The following PTPRF variants were observed in gnomAD, a reference collection of about 807,000 sequenced individuals.
PTPRF encodes the protein receptor-type tyrosine-protein phosphatase F.
In PTPRF, 59 loss-of-function variants were observed where a neutral mutation model predicts 201.8. The observed-to-expected ratio is 0.29, with a 90% CI of 0.24 to 0.36. PTPRF has a LOEUF of 0.36. PTPRF is among the 10% of genes least tolerant of loss of function. The pLI is 1.00. For missense variants in PTPRF, 2,132 were observed against 2,690.5 expected, an observed-to-expected ratio of 0.79 and a Z score of 4.59; for synonymous variants, 1,088 against 1,089.7, an observed-to-expected ratio of 1.00 and a Z score of 0.03.
intron 2 of PTPRF, among the ~76,000 whole-genome samples, chr1:43,541,429 C>T (rs907888088): frequency 2.0e-5 from 3 of 152,130 alleles, no homozygotes; most frequent in Admixed American, 1.3e-4. Context: ...TGTTTTGCAA[C>T]GTGAATCTTC....
chr1:43,522,568 T>C (rs1570801970), upstream of PTPRF, among the ~76,000 whole-genome samples: 3 of 152,082 alleles, frequency 2.0e-5, no homozygotes, highest in African/African-American at 7.2e-5. Context: ...ACAAGAAGTA[T>C]AAAGGAATGC....
intron 8 of PTPRF, 21 bp downstream of exon 8, chr1:43,589,021 A>T (rs1412895717): frequency 6.6e-7 from 1 of 1,522,136 alleles, no homozygotes; most frequent in African/African-American, 1.4e-5. Context: ...CAGGTGCTGT[A>T]ACCAGTGCCC....
intron 12 of PTPRF, 35 bp from the exon 13 acceptor site, chr1:43,598,685 C>G (rs1457405071): frequency 2.5e-6 from 4 of 1,595,942 alleles, no homozygotes; most frequent in Non-Finnish European, 8.6e-7. Flanking sequence ...GTTGATACCT[C>G]CAGGCCTGAC....
chr1:43,531,485 C>G (rs900998044), intron 1 of PTPRF, among the ~76,000 whole-genome samples: 7 of 145,298 alleles, frequency 4.8e-5, no homozygotes, highest in Non-Finnish European at 7.6e-5. Context: ...AGCGCGGACG[C>G]GCTCCGGGGG....
chr1:43,619,577 G>A lies in PTPRF; in HGVS notation c.4932+4G>A, dbSNP rs530421571. On this transcript the variant is annotated splice_donor_region_variant and intron_variant, in intron 28 of 33. Coordinates refer to ENST00000359947, the MANE Select transcript of PTPRF (RefSeq NM_002840.5). ...CGCCATGGAGCTCGAGTTCAAGGTG[G>A]GGCTCGGGTGGGCCTGCTTGGCTCC... 1.6e-5 allele frequency: 25 copies of A among 1,611,434 alleles called. No homozygotes were observed. In the East Asian group the frequency reaches 5.1e-4, roughly 33 times the overall value.
At chr1:43,612,340 G>A (rs533732864) in intron 22 of PTPRF, among the ~76,000 whole-genome samples, 1 of 152,310 alleles carries the variant, frequency 6.6e-6, no homozygotes, top group East Asian at 1.9e-4. Flanking sequence ...CTGGGAAGGA[G>A]GCAATGAGCA....
At chr1:43,555,300 C>T (rs1645286008) in intron 5 of PTPRF, among the ~76,000 whole-genome samples, 1 of 139,874 alleles carries the variant, frequency 7.1e-6, no homozygotes, top group South Asian at 2.4e-4. Context: ...GGCCCATTTT[C>T]TGTGCATACA....
At chr1:43,586,789 G>A (rs1373434346) in intron 7 of PTPRF, among the ~76,000 whole-genome samples, 1 of 152,220 alleles carries the variant, frequency 6.6e-6, no homozygotes, top group Non-Finnish European at 1.5e-5. Context: ...GTTGGGAGAA[G>A]CCATCCCCAG....
chr1:43,557,211 G>A (rs997309410), intron 5 of PTPRF, among the ~76,000 whole-genome samples: 4 of 152,180 alleles, frequency 2.6e-5, no homozygotes, highest in Non-Finnish European at 4.4e-5. Context: ...CTTCAAAAGC[G>A]CCTAAGCCCC....
chr1:43,557,769 G>C (rs188803296), intron 5 of PTPRF, among the ~76,000 whole-genome samples: 1 of 152,166 alleles, frequency 6.6e-6, no homozygotes, highest in Non-Finnish European at 1.5e-5. Context: ...CAAGTACCCA[G>C]ACCCTGTCCA....
chr1:43,574,327 A>G lies in PTPRF; in HGVS notation c.569-4483A>G, dbSNP rs183182948. Among the ~76,000 whole-genome samples the G allele has an allele frequency of 1.2e-4, 18 of 152,230 alleles. No individual in the cohort carries two copies. The East Asian group carries it at 1.5e-3, about 13-fold the overall frequency. On this transcript the variant is annotated intron_variant, in intron 6 of 33. Transcript: ENST00000359947. ...TGGGTTATTTCTATTGATGTTTACCATATTAGATATTAAGACTGAGATTAT... is the reference window on the plus strand; with the variant it reads ...TGGGTTATTTCTATTGATGTTTACCGTATTAGATATTAAGACTGAGATTAT...
chr1:43,622,638 G>A lies in PTPRF; in HGVS notation c.*635G>A, dbSNP rs1427359827. ...AGATCCTGTTTCAGCTAAATGCAGGGAAACTCAATGTTTTTTTAAGTTTTG... is the reference window on the plus strand; with the variant it reads ...AGATCCTGTTTCAGCTAAATGCAGGAAAACTCAATGTTTTTTTAAGTTTTG... On this transcript the variant is annotated 3_prime_UTR_variant, in exon 34 of 34. Coordinates refer to ENST00000359947, the MANE Select transcript of PTPRF (RefSeq NM_002840.5). 25 of 152,634 alleles carry A rather than the reference G, an allele frequency of 1.6e-4. No homozygotes were observed. The highest frequency in any genetic ancestry group is 1.5e-5 in the Non-Finnish European group (1 of 68,058). The allele number at this position is 152,634 out of a possible 1,614,324, so 9.5% of individuals were successfully genotyped here. A position where few individuals can be genotyped will look rare whatever the true frequency, so the allele number is the denominator to read the frequency against.
intron 1 of PTPRF, among the ~76,000 whole-genome samples, chr1:43,534,354 T>G (rs1057501914): frequency 4.6e-5 from 7 of 152,082 alleles, no homozygotes; most frequent in Admixed American, 4.6e-4. Flanking sequence ...TCTGTGGCTA[T>G]GGGAAAAGGA....
chr1:43,603,900 C>A lies in PTPRF; in HGVS notation c.2748C>A (p.Ser916Arg). 1 of 1,614,076 alleles carries A rather than the reference C, an allele frequency of 6.2e-7. No homozygotes were observed. The highest frequency in any genetic ancestry group is 1.1e-5 in the South Asian group (1 of 91,086). Residue 916 changes from serine (S) to arginine (R), a missense_variant, in exon 16 of 34, where the codon AGC becomes AGA. By Grantham distance (110) the Ser-to-Arg change is moderately radical. This residue lies in a region of PTPRF where 818 missense variants were observed against 915.3 expected (regional missense o/e 0.89). Transcript: ENST00000359947. This position sits in a 1 kb window ranked among gnomAD's most constrained non-coding sequence, Gnocchi z 5.8. ...KEIRTPEDLP[S>R]GFPQNLHVTG... ...TCAGGACCCCCGAGGACCTGCCCAG[C>A]GGCTTCCCCCAAAACCTGCATGTGA...
chr1:43,615,190 T>C (rs1440968137), intron 23 of PTPRF, among the ~76,000 whole-genome samples: 6 of 152,182 alleles, frequency 3.9e-5, no homozygotes, highest in Admixed American at 6.5e-5. Flanking sequence ...GGCAAATGGA[T>C]GAGTATGTCT....
intron 7 of PTPRF, among the ~76,000 whole-genome samples, chr1:43,584,013 C>T (rs935500673): frequency 2.6e-5 from 4 of 152,200 alleles, no homozygotes; most frequent in Admixed American, 1.3e-4. Context: ...TGGCCCCTGA[C>T]TCAGCCACAG....
At chr1:43,522,800 C>T (rs764716548), upstream of PTPRF, among the ~76,000 whole-genome samples, 10 of 152,096 alleles carry the variant, frequency 6.6e-5, no homozygotes, top group African/African-American at 1.9e-4. Context: ...GAACCAGAAG[C>T]GTTGTGTTGG....
chr1:43,565,456 G>A (rs1337643605), intron 5 of PTPRF, among the ~76,000 whole-genome samples: 4 of 152,248 alleles, frequency 2.6e-5, no homozygotes, highest in Non-Finnish European at 2.9e-5. Context: ...GTGAGCCGGG[G>A]AGACCCTAGG....
chr1:43,622,015 C>T lies in PTPRF; in HGVS notation c.*12C>T, dbSNP rs748783332. The T allele has an allele frequency of 2.5e-6, 4 of 1,613,626 alleles. No homozygotes were observed. The highest frequency in any genetic ancestry group is 2.2e-5 in the South Asian group (2 of 91,074). On this transcript the variant is annotated 3_prime_UTR_variant, in exon 34 of 34. Transcript: ENST00000359947. Reference sequence around the variant, plus strand: ...ACTATGCAACGTAACTACCGCTCCCCTCTCCTCCGCCACCCCCGCCGTGGG... The same window carrying T: ...ACTATGCAACGTAACTACCGCTCCCTTCTCCTCCGCCACCCCCGCCGTGGG...
Sources: allele counts gnomAD v4.1 joint callset (sites outside exome capture counted in the v4.1 genomes callset), GRCh38; gene constraint gnomAD v4.1.1; regional missense constraint gnomAD v4.1.1; non-coding constraint Gnocchi (gnomAD v3.1); transcripts MANE v1.5; gene names NCBI Gene and HGNC (gene_info 2026-07-23, HGNC 2026-07-21).